The following GNAL variants were observed in gnomAD, a reference collection of about 807,000 sequenced individuals.
The protein encoded by GNAL is guanine nucleotide-binding protein G(olf) subunit alpha.
GNAL carries 18 observed loss-of-function variants against 55.1 expected under a neutral mutation model. The ratio of observed to expected loss-of-function variants is 0.33; its 90% CI spans 0.23 to 0.48. The LOEUF is 0.48. Among genes scored for constraint, GNAL ranks in the 20% least tolerant of loss-of-function variants. The pLI, the probability that GNAL is intolerant of heterozygous loss-of-function variation, is 0.99. For synonymous variants in GNAL, 253 were observed against 237.0 expected (o/e 1.07, Z -0.62); for missense variants, 412 against 614.1 (o/e 0.67, Z 3.48).
At chr18:11,757,461 C>T (rs2033096719) in intron 4 of GNAL, among the ~76,000 whole-genome samples, 1 of 152,008 alleles carries the variant, frequency 6.6e-6, no homozygotes, top group Admixed American at 6.6e-5. Context: ...GGAGACTAGT[C>T]TAATAATACA....
chr18:11,724,262 G>A (rs191865886), intron 1 of GNAL, among the ~76,000 whole-genome samples: 3 of 152,196 alleles, frequency 2.0e-5, no homozygotes, highest in East Asian at 1.9e-4. Flanking sequence ...GGAAACTTAC[G>A]GGGGCAGCGT....
intron 5 of GNAL, among the ~76,000 whole-genome samples, chr18:11,862,037 A>G (rs955437986): frequency 4.6e-5 from 7 of 151,670 alleles, no homozygotes; most frequent in Admixed American, 2.6e-4. Flanking sequence ...GTCACCTTCC[A>G]TGTTTTGTTT....
chr18:11,873,536 T>G (rs952244178), intron 10 of GNAL, among the ~76,000 whole-genome samples: 2 of 152,230 alleles, frequency 1.3e-5, no homozygotes. Flanking sequence ...GCTGCTTTCA[T>G]GAGCCACCAG....
At chr18:11,744,337 T>C (rs1434759636) in intron 1 of GNAL, among the ~76,000 whole-genome samples, 2 of 152,210 alleles carry the variant, frequency 1.3e-5, no homozygotes, top group African/African-American at 4.8e-5. Flanking sequence ...AAATATTTGA[T>C]CACAGATTAT....
chr18:11,867,611 G>A (rs1361892686), intron 8 of GNAL, among the ~76,000 whole-genome samples: 10 of 150,976 alleles, frequency 6.6e-5, no homozygotes, highest in Non-Finnish European at 7.4e-5. Context: ...TCAGGAGATC[G>A]AGACCATCCT....
At chr18:11,825,064 G>GAC in intron 5 of GNAL, 49 bp downstream of exon 5, 28 of 788,208 alleles carry the variant, frequency 3.6e-5, no homozygotes, top group Non-Finnish European at 5.5e-5. Context: ...GAATATGATT[G>GAC]CATGCATGAT....
intron 1 of GNAL, among the ~76,000 whole-genome samples, chr18:11,703,235 C>G (rs1250928667): frequency 6.6e-6 from 1 of 152,232 alleles, no homozygotes; most frequent in Admixed American, 6.5e-5. Context: ...GCAGATGCCA[C>G]GCAGAGCAAA....
At chr18:11,738,962 G>T (rs904757469) in intron 1 of GNAL, among the ~76,000 whole-genome samples, 1 of 152,172 alleles carries the variant, frequency 6.6e-6, no homozygotes, top group African/African-American at 2.4e-5. Flanking sequence ...GCCGCCCGAC[G>T]TCATAACATC....
intron 5 of GNAL, chr18:11,851,299 G>A (rs2035855654): frequency 1.8e-6 from 1 of 549,832 alleles, no homozygotes; most frequent in Non-Finnish European, 3.1e-6. Flanking sequence ...AGCCCCTGGC[G>A]TCTTACGTCC....
At chr18:11,728,019 G>A (rs1365337310) in intron 1 of GNAL, among the ~76,000 whole-genome samples, 2 of 152,098 alleles carry the variant, frequency 1.3e-5, no homozygotes, top group Admixed American at 6.5e-5. Context: ...TTGAGGCCAG[G>A]AGTTCGAGAC....
rs1158988863 is a variant in GNAL at position 11,880,212 on chromosome 18, G to A, written c.1231-777G>A. ...GCAGAGGTTGCAGTGAGCCGAGATG[G>A]CACCACTGCACTCCAGCCTGGGGGA... On this transcript the variant is annotated intron_variant, in intron 11 of 11. Transcript: ENST00000334049. 2.6e-5 allele frequency among the ~76,000 whole-genome samples: 4 copies of A among 151,038 alleles called. 1 individual carries two copies. In the East Asian group the frequency reaches 6.1e-4, roughly 23 times the overall value.
chr18:11,794,904 G>A (rs531393997), intron 4 of GNAL, among the ~76,000 whole-genome samples: 22 of 152,128 alleles, frequency 1.4e-4, no homozygotes, highest in African/African-American at 4.6e-4. Context: ...GTGCAGTGGC[G>A]CGATCTTAGC....
intron 1 of GNAL, among the ~76,000 whole-genome samples, chr18:11,724,554 T>A (rs1209267029): frequency 6.6e-6 from 1 of 152,146 alleles, no homozygotes; most frequent in Admixed American, 6.5e-5. Flanking sequence ...TGTCGACCGA[T>A]CGTAGGGAAC....
chr18:11,862,344 G>A (rs1438147106), intron 5 of GNAL, 51 bp from the exon 6 acceptor site: 1 of 1,471,034 alleles, frequency 6.8e-7, no homozygotes, highest in Admixed American at 1.7e-5. Context: ...CCCAACCCCA[G>A]GGGAAAGTGG....
In GNAL at chr18:11,842,051, C is replaced by A. The variant is rs537095830; in HGVS notation, c.722+17036C>A. ...GCAATGGTGCAATCTCGACTCACCT[C>A]AACCTTCGCCTCCCGGGTTCAAGCA... On this transcript the variant is annotated intron_variant, in intron 5 of 11. Coordinates refer to ENST00000334049, the MANE Select transcript of GNAL (RefSeq NM_182978.4). Among the ~76,000 whole-genome samples the A allele has an allele frequency of 8.5e-5, 13 of 152,076 alleles. No individual in the cohort carries two copies. The South Asian group carries it at 2.5e-3, about 29-fold the overall frequency.
intron 5 of GNAL, among the ~76,000 whole-genome samples, chr18:11,840,693 G>T (rs2035594665): frequency 6.6e-6 from 1 of 152,138 alleles, no homozygotes; most frequent in Non-Finnish European, 1.5e-5. Context: ...TGATCTACAG[G>T]AGACCTGGTG....
intron 1 of GNAL, among the ~76,000 whole-genome samples, chr18:11,722,479 G>A (rs1598411699): frequency 6.6e-6 from 1 of 152,192 alleles, no homozygotes; most frequent in Non-Finnish European, 1.5e-5. Context: ...CATGTAATTT[G>A]TTAGCAAATA....
At chr18:11,806,252 A>G (rs1035737846) in intron 4 of GNAL, among the ~76,000 whole-genome samples, 1 of 152,212 alleles carries the variant, frequency 6.6e-6, no homozygotes, top group Non-Finnish European at 1.5e-5. Context: ...GTCCCCTGTC[A>G]GATGCAGAGT....
chr18:11,808,213 C>T (rs2034716023), intron 4 of GNAL, among the ~76,000 whole-genome samples: 1 of 152,110 alleles, frequency 6.6e-6, no homozygotes, highest in African/African-American at 2.4e-5. Context: ...CCTCCAATCA[C>T]TCACCCTGCA....
Sources: allele counts gnomAD v4.1 joint callset (sites outside exome capture counted in the v4.1 genomes callset), GRCh38; gene constraint gnomAD v4.1.1; transcripts MANE v1.5; gene names NCBI Gene and HGNC (gene_info 2026-07-23, HGNC 2026-07-21).